The following ZNF107 variants were observed in gnomAD, a reference collection of about 807,000 sequenced individuals.
ZNF107 encodes the protein C2H2 type zinc-finger protein.
In ZNF107, 19 loss-of-function variants were observed where a neutral mutation model predicts 12.3. The observed-to-expected ratio is 1.55, with a 90% CI of 1.08 to 2.27. The LOEUF (loss-of-function observed/expected upper bound fraction) is 2.27, where lower values mean the gene tolerates loss of function less well. Ranked by LOEUF, ZNF107 falls within the 30% of genes most tolerant of loss-of-function variation. The pLI, the probability that ZNF107 is intolerant of heterozygous loss-of-function variation, is 0.00. For synonymous variants in ZNF107, 317 were observed against 330.5 expected, an observed-to-expected ratio of 0.96 and a Z score of 0.44; for missense variants, 958 against 979.9, an observed-to-expected ratio of 0.98 and a Z score of 0.30.
chr7:64,678,339 T>G (rs1789507392), intron 1 of ZNF107, among the ~76,000 whole-genome samples: 1 of 152,224 alleles, frequency 6.6e-6, no homozygotes, highest in Admixed American at 6.5e-5. Flanking sequence ...AACGTAATTA[T>G]CTAATATTTG....
chr7:64,673,435 T>G (rs951556516), intron 1 of ZNF107, among the ~76,000 whole-genome samples: 11 of 152,234 alleles, frequency 7.2e-5, no homozygotes, highest in African/African-American at 2.4e-4. Context: ...TAAGGTTGTT[T>G]GTGTTTTTCT....
At chr7:64,681,975 G>A (rs536542155) in intron 1 of ZNF107, among the ~76,000 whole-genome samples, 23 of 152,034 alleles carry the variant, frequency 1.5e-4, no homozygotes, top group African/African-American at 4.1e-4. Flanking sequence ...CTGGACTGAC[G>A]CTGACACCCA....
In ZNF107 at chr7:64,707,250, A is replaced by G. The variant is rs774494931; in HGVS notation, c.1153A>G (p.Thr385Ala). 9.9e-6 allele frequency: 16 copies of G among 1,613,142 alleles called. No homozygotes were observed. Among genetic ancestry groups the G allele is most frequent in the Non-Finnish European group, 8.5e-6 (10 of 1,179,714 alleles). The change falls in exon 4 of 4, where the codon ACT becomes GCT. Residue 385 changes from threonine (T) to alanine (A), a missense_variant. By Grantham distance (58) the Thr-to-Ala change is moderately conservative. Transcript: ENST00000620827. Reference protein sequence around the residue: ...DKAFNRSLKLTAHKKILMEEK... With the variant: ...DKAFNRSLKLAAHKKILMEEK... The stretch of plus-strand genomic sequence containing the variant: ...AGCTTTTAACCGATCCTTAAAACTT[A>G]CTGCACATAAGAAAATTCTAATGGA...
intron 1 of ZNF107, chr7:64,684,764 C>G (rs1410967560): frequency 1.0e-6 from 1 of 973,258 alleles, no homozygotes; most frequent in African/African-American, 1.8e-5. Flanking sequence ...AACTTCTTCC[C>G]AGATGAGACG....
At chr7:64,683,030 T>G (rs1306171293) in intron 1 of ZNF107, among the ~76,000 whole-genome samples, 1 of 152,204 alleles carries the variant, frequency 6.6e-6, no homozygotes, top group African/African-American at 2.4e-5. Flanking sequence ...CCAACCAATT[T>G]TCGCCAGCCA....
At chr7:64,681,974 C>A (rs964817820) in intron 1 of ZNF107, among the ~76,000 whole-genome samples, 1 of 152,052 alleles carries the variant, frequency 6.6e-6, no homozygotes, top group Non-Finnish European at 1.5e-5. Context: ...CCTGGACTGA[C>A]GCTGACACCC....
chr7:64,679,905 G>C (rs909403142), intron 1 of ZNF107, among the ~76,000 whole-genome samples: 1 of 152,020 alleles, frequency 6.6e-6, no homozygotes, highest in African/African-American at 2.4e-5. Flanking sequence ...TGTTCCCAAT[G>C]CAATTTGTCT....
Position 64,708,609 on chromosome 7 carries a change from AT to A in ZNF107, c.2514del (p.His839IlefsTer16). ...LSSNLTTHKK[I>X]HTGEKPYKCE... Reference sequence around the variant, plus strand: ...CTCAAATCTTACTACACATAAGAAAATTCATACTGGAGAGAAACCCTACAAA... The same window carrying A: ...CTCAAATCTTACTACACATAAGAAAATCATACTGGAGAGAAACCCTACAAA... On this transcript the variant is annotated frameshift_variant, in exon 4 of 4. Transcript: ENST00000620827. LOFTEE classifies it low-confidence loss of function (END_TRUNC). The A allele has an allele frequency of 6.3e-7, 1 of 1,595,804 alleles. No homozygotes were observed. Among genetic ancestry groups the A allele is most frequent in the Non-Finnish European group, 8.6e-7 (1 of 1,168,544 alleles).
chr7:64,691,764 G>C (rs1186838706), intron 2 of ZNF107, 101 bp from the exon 3 acceptor site: 6 of 493,440 alleles, frequency 1.2e-5, no homozygotes, highest in Non-Finnish European at 1.7e-5. Context: ...TTATAAATTA[G>C]TATTTATTCT....
chr7:64,680,966 A>G (rs2128959335), intron 1 of ZNF107, among the ~76,000 whole-genome samples: 1 of 152,254 alleles, frequency 6.6e-6, no homozygotes, highest in Non-Finnish European at 1.5e-5. Flanking sequence ...AAGTGCCATA[A>G]AAATAGTCAC....
In ZNF107 at chr7:64,694,404, A is replaced by G. The variant is rs566023049; in HGVS notation, c.226+2444A>G. Among the ~76,000 whole-genome samples the G allele has an allele frequency of 3.9e-5, 6 of 152,282 alleles. No homozygotes were observed. The South Asian group carries it at 1.2e-3, about 32-fold the overall frequency. On this transcript the variant is annotated intron_variant, in intron 3 of 3. Transcript: ENST00000620827. ...ATAAGGACCCGCCTTCTGAAAAGGA[A>G]CACTTCTCAATCTTTGGCTCTAGCA...
rs1789554532 is a variant in ZNF107 at position 64,679,281 on chromosome 7, G to A, written c.4-11967G>A. The A allele has an allele frequency of 2.0e-5, 20 of 984,772 alleles. No individual in the cohort carries two copies. In the South Asian group the frequency reaches 3.3e-4, roughly 16 times the overall value. 61.0% of individuals were successfully genotyped at this position (984,772 alleles called of 1,614,324 possible). On this transcript the variant is annotated intron_variant, in intron 1 of 3. Transcript: ENST00000620827. ...CCCGACTTCTTGAAGAGACCCACCC[G>A]CGACCTCGGTACCTCGGACCAGCTC...
chr7:64,673,392 A>G (rs892841769), intron 1 of ZNF107, among the ~76,000 whole-genome samples: 2 of 152,188 alleles, frequency 1.3e-5, no homozygotes, highest in African/African-American at 4.8e-5. Flanking sequence ...TCTTTTGAAA[A>G]GCATCTGTTC....
At chr7:64,686,953 TA>T in intron 1 of ZNF107, 3 of 985,444 alleles carry the variant, frequency 3.0e-6, no homozygotes, top group Non-Finnish European at 3.6e-6. Context: ...CTGCTGAGAA[TA>T]TGCCCCCCGT....
intron 1 of ZNF107, among the ~76,000 whole-genome samples, chr7:64,679,549 TCTC>T (rs552432414): frequency 8.1e-4 from 123 of 152,206 alleles, no homozygotes; most frequent in African/African-American, 2.8e-3. Flanking sequence ...TTGTGGTTGC[TCTC>T]CTCCTCGTTT....
At chr7:64,668,997 A>ATTTTTTTT in intron 1 of ZNF107, 1 of 57,596 alleles carries the variant, frequency 1.7e-5, no homozygotes, top group Non-Finnish European at 2.9e-5. Flanking sequence ...GATAACGCTA[A>ATTTTTTTT]TTTTTTTTTT....
chr7:64,684,499 G>GTAAA, intron 1 of ZNF107: 1 of 850,906 alleles, frequency 1.2e-6, no homozygotes, highest in South Asian at 5.4e-5. Flanking sequence ...CCCTTCCAGA[G>GTAAA]TAAAGCTGTG....
chr7:64,702,839 G>A (rs1030321777), intron 3 of ZNF107, among the ~76,000 whole-genome samples: 5 of 152,186 alleles, frequency 3.3e-5, no homozygotes, highest in African/African-American at 1.2e-4. Flanking sequence ...GATTATAGGC[G>A]TGAGCCACCG....
rs189208621 is a variant in ZNF107 at position 64,703,764 on chromosome 7, A to G, written c.227-2560A>G. 2.6e-3 allele frequency among the ~76,000 whole-genome samples: 395 copies of G among 152,246 alleles called. 1 individual carries two copies. The highest frequency in any genetic ancestry group is 3.1e-3 in the Non-Finnish European group (211 of 68,034). On this transcript the variant is annotated intron_variant, in intron 3 of 3. Coordinates refer to ENST00000620827, the MANE Select transcript of ZNF107 (RefSeq NM_001282359.2). ...CTCTTGATTTTATAGATATTTAAAT[A>G]AAGTGAATTATATATATATTTAAAT...
Sources: allele counts gnomAD v4.1 joint callset (sites outside exome capture counted in the v4.1 genomes callset), GRCh38; gene constraint gnomAD v4.1.1; transcripts MANE v1.5; gene names NCBI Gene and HGNC (gene_info 2026-07-23, HGNC 2026-07-21).